BBS9: variants seen among roughly 807,000 people sequenced by gnomAD.
BBS9 encodes protein PTHB1.
Under a neutral mutation model 117.7 loss-of-function variants are expected in BBS9, and 89 were observed. The ratio of observed to expected loss-of-function variants is 0.76; its 90% CI spans 0.64 to 0.90. The LOEUF is 0.90. Ranked by LOEUF, BBS9 falls within the 40% of genes least tolerant of loss-of-function variation. The probability of loss-of-function intolerance (pLI) is 0.00; values close to 1 mark genes in which losing one functional copy is unlikely to be tolerated. For missense variants in BBS9, 982 were observed against 1,042.2 expected, an observed-to-expected ratio of 0.94 and a Z score of 0.80; for synonymous variants, 379 against 370.9, an observed-to-expected ratio of 1.02 and a Z score of -0.25.
chr7:33,417,580 A>T (rs1321793137), intron 19 of BBS9, among the ~76,000 whole-genome samples: 1 of 152,348 alleles, frequency 6.6e-6, no homozygotes, highest in African/African-American at 2.4e-5. Context: ...GTTAAGAAGG[A>T]TTCTTAGGTT....
chr7:33,144,515 G>T (rs76729476), intron 1 of BBS9, among the ~76,000 whole-genome samples: 24,016 of 152,128 alleles, frequency 0.16, 2,060 homozygotes, highest in South Asian at 0.21. Flanking sequence ...GTTAAACAAT[G>T]GCTTTCTTGT....
Position 33,416,659 on chromosome 7 carries a change from C to T in BBS9, c.2115+28515C>T, listed in dbSNP as rs181891358. On this transcript the variant is annotated intron_variant, in intron 19 of 22. Coordinates refer to ENST00000242067, the MANE Select transcript of BBS9 (RefSeq NM_198428.3). ...GGCCACCATGCCTGGCCATTGAAGC[C>T]TCAACAGTGCATGTGACAGCCGTGG... Among the ~76,000 whole-genome samples, 3 of 152,250 alleles carry T rather than the reference C, an allele frequency of 2.0e-5. No homozygotes were observed. The East Asian group carries it at 5.8e-4, about 29-fold the overall frequency.
chr7:33,544,713 T>C (rs1189448075), intron 21 of BBS9, among the ~76,000 whole-genome samples: 2 of 152,138 alleles, frequency 1.3e-5, no homozygotes, highest in East Asian at 3.9e-4. Context: ...TCAGCTGTAG[T>C]AGTGTGGAGA....
intron 9 of BBS9, among the ~76,000 whole-genome samples, chr7:33,307,324 A>G (rs1370707382): frequency 1.3e-5 from 2 of 152,118 alleles, no homozygotes; most frequent in Non-Finnish European, 2.9e-5. Flanking sequence ...AAAGAAGGCC[A>G]ATTCTTGTTT....
At chr7:33,518,995 C>A (rs1319975461) in intron 20 of BBS9, among the ~76,000 whole-genome samples, 2 of 150,746 alleles carry the variant, frequency 1.3e-5, no homozygotes, top group African/African-American at 4.9e-5. Context: ...TATCCATTGG[C>A]GGTCTTGATC....
At chr7:33,536,250 C>T (rs891099709) in intron 21 of BBS9, among the ~76,000 whole-genome samples, 3 of 151,964 alleles carry the variant, frequency 2.0e-5, no homozygotes, top group African/African-American at 7.3e-5. Context: ...CAATGCCTTG[C>T]CTTTACTTGC....
At chr7:33,633,821 T>C (rs574095487) in intron 21 of BBS9, among the ~76,000 whole-genome samples, 1 of 152,324 alleles carries the variant, frequency 6.6e-6, no homozygotes, top group Non-Finnish European at 1.5e-5. Context: ...GCCTACAGCC[T>C]ACCTTTCCTC....
intron 17 of BBS9, among the ~76,000 whole-genome samples, chr7:33,374,869 C>A (rs1400041297): frequency 6.9e-6 from 1 of 145,600 alleles, no homozygotes. Flanking sequence ...CCATTGCACT[C>A]CAGCCTGGGC....
At chr7:33,461,978 C>T (rs1274816764) in intron 19 of BBS9, among the ~76,000 whole-genome samples, 2 of 151,998 alleles carry the variant, frequency 1.3e-5, no homozygotes, top group African/African-American at 2.4e-5. Context: ...GCTGGTGAAG[C>T]TAATTCTTCC....
chr7:33,401,063 T>C (rs1238912787), intron 19 of BBS9, among the ~76,000 whole-genome samples: 3 of 152,220 alleles, frequency 2.0e-5, no homozygotes, highest in Non-Finnish European at 4.4e-5. Context: ...ATGATTTCCA[T>C]ATCTCTTATA....
At chr7:33,573,955 C>T (rs1178871371) in intron 21 of BBS9, among the ~76,000 whole-genome samples, 2 of 152,208 alleles carry the variant, frequency 1.3e-5, no homozygotes, top group South Asian at 2.1e-4. Flanking sequence ...GCGCTGCTAT[C>T]TTTGTCTTCA....
chr7:33,138,422 T>TCAACCTTAAGGTTGGGTTGTGATG (rs1790898609), intron 1 of BBS9, among the ~76,000 whole-genome samples: 1 of 151,244 alleles, frequency 6.6e-6, no homozygotes, highest in African/African-American at 2.4e-5. Flanking sequence ...CAGTGCCTCT[T>TCAACCTTAAGGTTGGGTTGTGATG]CAACCTTAAG....
intron 21 of BBS9, among the ~76,000 whole-genome samples, chr7:33,571,243 A>G (rs1563379417): frequency 6.6e-6 from 1 of 152,294 alleles, no homozygotes; most frequent in East Asian, 1.9e-4. Flanking sequence ...AAATACATAC[A>G]GATATTTAGG....
chr7:33,418,931 T>C (rs935395026), intron 19 of BBS9, among the ~76,000 whole-genome samples: 1 of 152,210 alleles, frequency 6.6e-6, no homozygotes, highest in Non-Finnish European at 1.5e-5. Context: ...CAATAATACC[T>C]TTAGCTTGAA....
intron 19 of BBS9, among the ~76,000 whole-genome samples, chr7:33,464,906 G>C (rs937901593): frequency 6.6e-6 from 1 of 151,950 alleles, no homozygotes; most frequent in South Asian, 2.1e-4. Context: ...GCTCACTGCA[G>C]CCTTGATATC....
chr7:33,157,205 T>G (rs1794218261), intron 4 of BBS9, among the ~76,000 whole-genome samples: 1 of 152,126 alleles, frequency 6.6e-6, no homozygotes, highest in South Asian at 2.1e-4. Context: ...CCTCTGGAGT[T>G]CCACTGGGGC....
intron 5 of BBS9, among the ~76,000 whole-genome samples, chr7:33,236,096 G>A (rs1793428409): frequency 6.6e-6 from 1 of 152,112 alleles, no homozygotes; most frequent in Admixed American, 6.6e-5. Flanking sequence ...GGGGGGCTGA[G>A]GCAGGTGATC....
chr7:33,455,922 G>A (rs1838598007), intron 19 of BBS9, among the ~76,000 whole-genome samples: 1 of 152,186 alleles, frequency 6.6e-6, no homozygotes, highest in African/African-American at 2.4e-5. Context: ...AAGTCACTAT[G>A]CCTGCCTTTT....
chr7:33,291,675 A>T (rs1046103465), intron 9 of BBS9, among the ~76,000 whole-genome samples: 1 of 152,218 alleles, frequency 6.6e-6, no homozygotes, highest in Non-Finnish European at 1.5e-5. Context: ...TCACTAGCCC[A>T]TAGAAGACCA....
Sources: allele counts gnomAD v4.1 joint callset (sites outside exome capture counted in the v4.1 genomes callset), GRCh38; gene constraint gnomAD v4.1.1; transcripts MANE v1.5; gene names NCBI Gene and HGNC (gene_info 2026-07-23, HGNC 2026-07-21).